Variants in TMEM272 observed in about 807,000 individuals in gnomAD.
The protein encoded by TMEM272 is transmembrane protein 272, also known as long intergenic non-protein coding RNA 282.
A neutral mutation model predicts 3.7 loss-of-function variants in TMEM272; 8 were observed. That is an observed-to-expected ratio of 2.17 (90% CI 1.27 to 3.91). The LOEUF (loss-of-function observed/expected upper bound fraction) is 3.91, where lower values mean the gene tolerates loss of function less well. Among genes scored for constraint, TMEM272 ranks in the 30% most tolerant of loss-of-function variants. The probability of loss-of-function intolerance (pLI) is 0.00; values close to 1 mark genes in which losing one functional copy is unlikely to be tolerated. For synonymous variants in TMEM272, 63 were observed against 39.8 expected (o/e 1.58, Z -2.20); for missense variants, 166 against 91.5 (o/e 1.81, Z -3.32).
At chr13:51,866,187 C>A in the TMEM272 span, 3 of 952,004 alleles carry the variant, frequency 3.2e-6, no homozygotes, top group Non-Finnish European at 4.5e-6. Flanking sequence ...GGTCTCCTTG[C>A]TTTGAAAGAT....
chr13:51,856,237 GA>G, the TMEM272 span, among the ~76,000 whole-genome samples: 1 of 151,928 alleles, frequency 6.6e-6, no homozygotes, highest in East Asian at 1.9e-4. Flanking sequence ...CAGGAAGTCT[GA>G]AAAAAAATCT....
chr13:51,923,418 CTTG>C, the TMEM272 span, among the ~76,000 whole-genome samples: 1 of 152,158 alleles, frequency 6.6e-6, no homozygotes, highest in African/African-American at 2.4e-5. Context: ...GAATGGGTGG[CTTG>C]TTAAGGCCAG....
chr13:51,879,683 C>G, the TMEM272 span, among the ~76,000 whole-genome samples: 1 of 152,210 alleles, frequency 6.6e-6, no homozygotes, highest in East Asian at 1.9e-4. Flanking sequence ...TCCACTTCCA[C>G]CAGGAATTTC....
chr13:51,922,677 T>C, the TMEM272 span, among the ~76,000 whole-genome samples: 3 of 152,198 alleles, frequency 2.0e-5, no homozygotes, highest in Admixed American at 6.5e-5. Context: ...TCCCAGAGGT[T>C]GGAAGTTTGA....
the TMEM272 span, chr13:51,910,170 C>A: frequency 1.9e-6 from 2 of 1,071,544 alleles, no homozygotes; most frequent in African/African-American, 3.1e-5. Context: ...TTCTTTTATC[C>A]CCTTTTCTAG....
the TMEM272 span, among the ~76,000 whole-genome samples, chr13:51,898,447 T>G: frequency 6.6e-6 from 1 of 151,704 alleles, no homozygotes; most frequent in Admixed American, 6.6e-5. Flanking sequence ...GATGGCTGCC[T>G]CATGGATGGA....
intron 1 of TMEM272, among the ~76,000 whole-genome samples, chr13:51,842,365 T>C (rs1481008816): frequency 6.6e-6 from 1 of 152,220 alleles, no homozygotes; most frequent in Admixed American, 6.5e-5. Context: ...AAATGAAAAG[T>C]AGTTTGCTTT....
intron 3 of TMEM272, among the ~76,000 whole-genome samples, chr13:51,823,185 T>C (rs1397192930): frequency 6.6e-6 from 1 of 152,214 alleles, no homozygotes; most frequent in African/African-American, 2.4e-5. Context: ...CTCAAGCGAT[T>C]CTCCCACCTC....
chr13:51,922,503 C>G, the TMEM272 span, among the ~76,000 whole-genome samples: 4,771 of 152,288 alleles, frequency 0.031, 234 homozygotes, highest in African/African-American at 0.11. Context: ...GGTGTGATCA[C>G]AGCTCACTGC....
At chr13:51,909,817 C>G in the TMEM272 span, 1 of 1,587,816 alleles carries the variant, frequency 6.3e-7, no homozygotes, top group South Asian at 1.1e-5. Context: ...AGCAAGCGTT[C>G]AGTCAGAGTC....
chr13:51,859,553 C>A, the TMEM272 span, among the ~76,000 whole-genome samples: 1 of 150,416 alleles, frequency 6.6e-6, no homozygotes, highest in Middle Eastern at 3.4e-3. Context: ...CACACAGACA[C>A]CCCCTCAGCA....
chr13:51,872,159 C>T, the TMEM272 span, among the ~76,000 whole-genome samples: 3 of 152,036 alleles, frequency 2.0e-5, no homozygotes, highest in African/African-American at 4.8e-5. Flanking sequence ...AGAGAATATA[C>T]AGGGAGAAAG....
the TMEM272 span, among the ~76,000 whole-genome samples, chr13:51,930,737 A>C: frequency 6.6e-6 from 1 of 151,562 alleles, no homozygotes; most frequent in Non-Finnish European, 1.5e-5. Flanking sequence ...AAACACTGTC[A>C]TAATTTTTTA....
At chr13:51,855,334 C>T in the TMEM272 span, among the ~76,000 whole-genome samples, 1 of 152,134 alleles carries the variant, frequency 6.6e-6, no homozygotes, top group Admixed American at 6.5e-5. Context: ...GCCTCTCTGC[C>T]TACCAGAAGC....
the TMEM272 span, among the ~76,000 whole-genome samples, chr13:51,899,079 T>G: frequency 6.6e-6 from 1 of 152,204 alleles, no homozygotes; most frequent in Non-Finnish European, 1.5e-5. Flanking sequence ...TAAATGAAAC[T>G]ATCTCTATTC....
At chr13:51,908,630 T>C in the TMEM272 span, 1 of 1,480,422 alleles carries the variant, frequency 6.8e-7, no homozygotes, top group African/African-American at 1.4e-5. Context: ...CAAGATTATC[T>C]TTGGTATCAT....
the TMEM272 span, among the ~76,000 whole-genome samples, chr13:51,880,589 C>A: frequency 1.3e-5 from 2 of 152,012 alleles, no homozygotes; most frequent in Non-Finnish European, 2.9e-5. Flanking sequence ...ACCTTCCCAC[C>A]CGTAGAAATT....
In TMEM272 at chr13:51,815,368, T is replaced by C. The variant is rs1398253627; in HGVS notation, c.*1383A>G. On this transcript the variant is annotated 3_prime_UTR_variant, in exon 5 of 5. Coordinates refer to ENST00000629372, the MANE Select transcript of TMEM272 (RefSeq NM_001351003.2). ...CTAACGGTGACTGCCCGGGGAGTGC[T>C]TCTAAACTGAAATGGGAAGACCCCA... 1 of 152,556 alleles carries C rather than the reference T, an allele frequency of 6.6e-6. No homozygotes were observed. The highest frequency in any genetic ancestry group is 1.5e-5 in the Non-Finnish European group (1 of 68,050). 9.5% of individuals were successfully genotyped at this position (152,556 alleles called of 1,614,324 possible).
intron 1 of TMEM272, among the ~76,000 whole-genome samples, chr13:51,840,603 G>A (rs1355583452): frequency 6.6e-6 from 1 of 152,198 alleles, no homozygotes; most frequent in African/African-American, 2.4e-5. Flanking sequence ...TTGGATTCCA[G>A]GGGTCCCTCT....
Sources: gnomAD v4.1 joint callset for allele counts (sites outside exome capture counted in the v4.1 genomes callset) on GRCh38, gnomAD v4.1.1 for gene constraint, MANE v1.5 for transcripts, NCBI Gene and HGNC (gene_info 2026-07-23, HGNC 2026-07-21) for gene names.